The following CHST11 variants were observed in gnomAD, a reference collection of about 807,000 sequenced individuals.
CHST11 encodes the protein carbohydrate sulfotransferase 11.
Under a neutral mutation model 30.4 loss-of-function variants are expected in CHST11, and 9 were observed. The observed-to-expected ratio is 0.30, with a 90% CI of 0.18 to 0.52. CHST11 has a LOEUF of 0.52. Among genes scored for constraint, CHST11 ranks in the 20% least tolerant of loss-of-function variants. The probability of loss-of-function intolerance (pLI) is 0.97; values close to 1 mark genes in which losing one functional copy is unlikely to be tolerated. For missense variants in CHST11, 348 were observed against 460.6 expected, an observed-to-expected ratio of 0.76 and a Z score of 2.24; for synonymous variants, 152 against 187.8, an observed-to-expected ratio of 0.81 and a Z score of 1.56.
At chr12:104,489,312 C>T (rs1350035273) in intron 1 of CHST11, among the ~76,000 whole-genome samples, 1 of 151,860 alleles carries the variant, frequency 6.6e-6, no homozygotes, top group Non-Finnish European at 1.5e-5. Flanking sequence ...GCTGGGATTA[C>T]AGTTGTGAGC....
At chr12:104,656,575 G>A (rs1638394631) in intron 2 of CHST11, among the ~76,000 whole-genome samples, 1 of 152,122 alleles carries the variant, frequency 6.6e-6, no homozygotes, top group South Asian at 2.1e-4. Context: ...GTGACTCTTC[G>A]TTGGCCTCTG....
At chr12:104,721,511 C>T (rs1031083754) in intron 2 of CHST11, among the ~76,000 whole-genome samples, 1 of 152,138 alleles carries the variant, frequency 6.6e-6, no homozygotes, top group Non-Finnish European at 1.5e-5. Context: ...ATTTCTATCC[C>T]GGAATGTCTG....
chr12:104,726,893 G>T (rs1020542124), intron 2 of CHST11, among the ~76,000 whole-genome samples: 1 of 152,156 alleles, frequency 6.6e-6, no homozygotes, highest in Non-Finnish European at 1.5e-5. Flanking sequence ...GCCCTGAAAG[G>T]TAGGATGTAG....
At chr12:104,590,266 C>T (rs771425100) in intron 1 of CHST11, among the ~76,000 whole-genome samples, 2 of 152,146 alleles carry the variant, frequency 1.3e-5, no homozygotes, top group African/African-American at 4.8e-5. Flanking sequence ...CCCTGGGGTG[C>T]TCATCAAGCT....
At chr12:104,592,109 C>A (rs2038865165) in intron 1 of CHST11, among the ~76,000 whole-genome samples, 1 of 145,690 alleles carries the variant, frequency 6.9e-6, no homozygotes, top group South Asian at 2.4e-4. Context: ...CCCCTCTTCT[C>A]CCCTCCTCTC....
chr12:104,466,405 GAACA>G (rs2037459098), intron 1 of CHST11, among the ~76,000 whole-genome samples: 1 of 152,236 alleles, frequency 6.6e-6, no homozygotes, highest in Non-Finnish European at 1.5e-5. Flanking sequence ...TTGAGTTCAA[GAACA>G]AATTGATGGC....
chr12:104,630,577 G>A (rs1566015188), intron 2 of CHST11, among the ~76,000 whole-genome samples: 1 of 152,108 alleles, frequency 6.6e-6, no homozygotes, highest in Non-Finnish European at 1.5e-5. Flanking sequence ...TCAATGACTT[G>A]GTAAATTGGC....
intron 1 of CHST11, among the ~76,000 whole-genome samples, chr12:104,465,317 T>G (rs151318588): frequency 2.2e-4 from 33 of 152,350 alleles, no homozygotes; most frequent in South Asian, 1.7e-3. Context: ...GGCTTGTAGT[T>G]AGTATTTGTC....
chr12:104,742,405 C>T (rs895652960), intron 2 of CHST11, among the ~76,000 whole-genome samples: 1 of 152,130 alleles, frequency 6.6e-6, no homozygotes, highest in African/African-American at 2.4e-5. Context: ...CCCGGGACTG[C>T]TCAGTGGACC....
chr12:104,457,685 C>T (rs35676334), intron 1 of CHST11, among the ~76,000 whole-genome samples, 156 bp downstream of exon 1: 2 of 152,172 alleles, frequency 1.3e-5, no homozygotes, highest in Non-Finnish European at 2.9e-5. Flanking sequence ...CCAGATCTAC[C>T]CGGGTCACCG....
At chr12:104,660,321 G>A (rs2039587431) in intron 2 of CHST11, among the ~76,000 whole-genome samples, 1 of 152,338 alleles carries the variant, frequency 6.6e-6, no homozygotes, top group African/African-American at 2.4e-5. Flanking sequence ...TACAGGCTGG[G>A]TTTTTAGCTC....
Position 104,697,320 on chromosome 12 carries a change from G to A in CHST11, c.205-59629G>A, listed in dbSNP as rs371372858. ...GTGAGGGTGTTTCTGGAAGAGATTA[G>A]TCTTTGAATCAGTAGACTGAGTAAA... On this transcript the variant is annotated intron_variant, in intron 2 of 2. Transcript: ENST00000303694. 2.8e-4 allele frequency among the ~76,000 whole-genome samples: 42 copies of A among 152,354 alleles called. 2 individuals are homozygous for A. The South Asian group carries it at 8.5e-3, about 31-fold the overall frequency.
intron 1 of CHST11, among the ~76,000 whole-genome samples, chr12:104,566,283 T>C (rs1465102006): frequency 6.6e-6 from 1 of 152,170 alleles, no homozygotes; most frequent in Non-Finnish European, 1.5e-5. Context: ...CTAAGCCCTA[T>C]CTCAAAGTCT....
intron 1 of CHST11, among the ~76,000 whole-genome samples, chr12:104,565,467 A>G (rs1056336015): frequency 6.6e-6 from 1 of 151,616 alleles, no homozygotes; most frequent in Non-Finnish European, 1.5e-5. Flanking sequence ...GGGTTTCACC[A>G]TGTTGGCCAG....
intron 2 of CHST11, among the ~76,000 whole-genome samples, chr12:104,657,434 T>A (rs1331062125): frequency 6.6e-6 from 1 of 152,118 alleles, no homozygotes; most frequent in Non-Finnish European, 1.5e-5. Flanking sequence ...AGTATAAGTC[T>A]TTCAGGATCA....
chr12:104,482,787 G>A (rs915837291), intron 1 of CHST11, among the ~76,000 whole-genome samples: 2 of 152,014 alleles, frequency 1.3e-5, no homozygotes, highest in African/African-American at 4.8e-5. Context: ...ATTTCAACTC[G>A]GTCCCAACTC....
rs2038947527 is a variant in CHST11, at chr12:104,600,437, A to C, written c.119-1469A>C. 6.6e-6 allele frequency among the ~76,000 whole-genome samples: 1 copy of C among 152,194 alleles called. No individual in the cohort carries two copies. Among genetic ancestry groups the C allele is most frequent in the Non-Finnish European group, 1.5e-5 (1 of 68,038 alleles). ...CGCCTTCCTCCCAGGGGGATCTAAA[A>C]TAGCTTCTGAAATTTGTCACCAACA... On this transcript the variant is annotated intron_variant, in intron 1 of 2. Coordinates refer to ENST00000303694, the MANE Select transcript of CHST11 (RefSeq NM_018413.6). This position sits in a 1 kb window ranked among gnomAD's most constrained non-coding sequence, Gnocchi z 4.1.
At chr12:104,631,417 G>A (rs979813527) in intron 2 of CHST11, among the ~76,000 whole-genome samples, 4 of 152,086 alleles carry the variant, frequency 2.6e-5, no homozygotes, top group Non-Finnish European at 2.9e-5. Context: ...ATCCCCCAGC[G>A]TCTATGTGCT....
intron 1 of CHST11, among the ~76,000 whole-genome samples, chr12:104,484,993 GTC>G (rs2037662821): frequency 6.6e-6 from 1 of 152,174 alleles, no homozygotes; most frequent in Non-Finnish European, 1.5e-5. Context: ...TCTCTGGACT[GTC>G]TATTTCAGAA....
Sources: gnomAD v4.1 joint callset for allele counts (sites outside exome capture counted in the v4.1 genomes callset) on GRCh38, gnomAD v4.1.1 for gene constraint, Gnocchi (gnomAD v3.1) non-coding constraint, MANE v1.5 for transcripts, NCBI Gene and HGNC (gene_info 2026-07-23, HGNC 2026-07-21) for gene names.